Variants in CHRNA1 observed in about 807,000 individuals in gnomAD.
CHRNA1 encodes the protein acetylcholine receptor subunit alpha.
A neutral mutation model predicts 47.1 loss-of-function variants in CHRNA1; 35 were observed. The ratio of observed to expected loss-of-function variants is 0.74; its 90% confidence interval spans 0.57 to 0.99. The LOEUF (loss-of-function observed/expected upper bound fraction) is 0.99. Ranked by LOEUF, CHRNA1 falls within the 50% of genes least tolerant of loss-of-function variation. The probability of loss-of-function intolerance (pLI) is 0.00; values close to 1 mark genes in which losing one functional copy is unlikely to be tolerated. For missense variants in CHRNA1, 506 were observed against 591.1 expected, an observed-to-expected ratio of 0.86 and a Z score of 1.49; for synonymous variants, 229 against 223.6, an observed-to-expected ratio of 1.02 and a Z score of -0.22.
At chr2:174,754,528 C>T in intron 4 of CHRNA1, 114 bp from the exon 5 acceptor site, 2 of 910,138 alleles carry the variant, frequency 2.2e-6, no homozygotes, top group South Asian at 2.8e-5. Context: ...ATTATAGAAG[C>T]TCTGTTTCGG....
chr2:174,757,486 C>T (rs1253210008), intron 4 of CHRNA1, 80 bp downstream of exon 4: 24 of 989,232 alleles, frequency 2.4e-5, no homozygotes, highest in South Asian at 5.2e-5. Flanking sequence ...AGAAGCATTC[C>T]GAGCGCGCAG....
At chr2:174,755,855 G>A (rs778673971) in intron 4 of CHRNA1, among the ~76,000 whole-genome samples, 7 of 152,098 alleles carry the variant, frequency 4.6e-5, no homozygotes, top group Non-Finnish European at 8.8e-5. Flanking sequence ...GGCCAACAGC[G>A]AGACCTCATC....
At chr2:174,763,551 G>A (rs1684136544) in intron 1 of CHRNA1, among the ~76,000 whole-genome samples, 2 of 152,186 alleles carry the variant, frequency 1.3e-5, no homozygotes, top group East Asian at 1.9e-4. Flanking sequence ...TTGTTTCTCA[G>A]TTGGGATGAT....
chr2:174,757,738 C>G, intron 3 of CHRNA1, 63 bp from the exon 4 acceptor site: 2 of 1,415,598 alleles, frequency 1.4e-6, no homozygotes. Context: ...CTAAGGTTAT[C>G]AAGAGCCCTG....
At chr2:174,762,715 G>A (rs1171244288) in intron 1 of CHRNA1, among the ~76,000 whole-genome samples, 4 of 152,330 alleles carry the variant, frequency 2.6e-5, no homozygotes, top group Admixed American at 1.3e-4. Context: ...CAGAGATCAC[G>A]CTGTGTTAAG....
At chr2:174,762,729 A>C (rs536628291) in intron 1 of CHRNA1, among the ~76,000 whole-genome samples, 1 of 152,376 alleles carries the variant, frequency 6.6e-6, no homozygotes, top group Admixed American at 6.5e-5. Flanking sequence ...TGTTAAGCTA[A>C]CACAGGAAAA....
At position 174,748,617 on chromosome 2, in the gene CHRNA1, A is replaced by G. The variant is rs1279698641; in HGVS notation, c.1205T>C (p.Ile402Thr). The G allele has an allele frequency of 6.2e-7, 1 of 1,613,966 alleles. No homozygotes were observed. The highest frequency in any genetic ancestry group is 2.2e-5 in the East Asian group (1 of 44,876). The change falls in exon 8 of 9, where the codon ATC becomes ACC. Residue 402 changes from isoleucine (I) to threonine (T), a missense_variant. By Grantham distance (89) the Ile-to-Thr change is moderately conservative. Coordinates refer to ENST00000348749, the MANE Select transcript of CHRNA1 (RefSeq NM_000079.4). ...CTGGTCTGACTTCATGGTCTCTGCGATGTACTTGATGCCCTCGATGGCACT... is the reference window on the plus strand; with the variant it reads ...CTGGTCTGACTTCATGGTCTCTGCGGTGTACTTGATGCCCTCGATGGCACT... Reference protein sequence around the residue: ...VKSAIEGIKYIAETMKSDQES... With the variant: ...VKSAIEGIKYTAETMKSDQES...
intron 4 of CHRNA1, among the ~76,000 whole-genome samples, chr2:174,756,921 AG>A (rs1391471530): frequency 6.6e-6 from 1 of 152,186 alleles, no homozygotes; most frequent in Non-Finnish European, 1.5e-5. Context: ...TGACAAATGA[AG>A]GGCGTATGCT....
chr2:174,750,808 T>G (rs139811176), intron 6 of CHRNA1, among the ~76,000 whole-genome samples: 4 of 152,292 alleles, frequency 2.6e-5, no homozygotes, highest in African/African-American at 9.6e-5. Flanking sequence ...TTTCTGATTC[T>G]TGGTGGAACC....
At chr2:174,753,204 C>G (rs529843197) in intron 6 of CHRNA1, 1 of 601,814 alleles carries the variant, frequency 1.7e-6, no homozygotes, top group South Asian at 1.9e-5. Context: ...TCTGGGCACA[C>G]AGTTGGTATT....
At chr2:174,759,756 C>T in intron 1 of CHRNA1, 123 bp from the exon 2 acceptor site, 1 of 1,301,082 alleles carries the variant, frequency 7.7e-7, no homozygotes, top group South Asian at 1.3e-5. Context: ...GCACACAGGC[C>T]TCCTTGTTGA....
At chr2:174,750,965 A>G (rs763371614) in intron 6 of CHRNA1, among the ~76,000 whole-genome samples, 1 of 152,154 alleles carries the variant, frequency 6.6e-6, no homozygotes, top group Non-Finnish European at 1.5e-5. Context: ...AGAAGTACAC[A>G]TATCTTTCTG....
chr2:174,758,348 G>T (rs1410797395), intron 3 of CHRNA1, among the ~76,000 whole-genome samples: 1 of 152,196 alleles, frequency 6.6e-6, no homozygotes, highest in Non-Finnish European at 1.5e-5. Flanking sequence ...GGCAGAGGTT[G>T]CAGTGAGCCG....
At chr2:174,759,204 C>A (rs1032712553) in intron 3 of CHRNA1, 127 bp downstream of exon 3, 4 of 1,081,432 alleles carry the variant, frequency 3.7e-6, no homozygotes, top group Non-Finnish European at 5.6e-6. Context: ...ATGCTTTCAC[C>A]ATCTCAAAAT....
In CHRNA1 at chr2:174,753,421, A is replaced by G. The variant is rs370000238; in HGVS notation, c.778+82T>C. 2.5e-5 allele frequency: 33 copies of G among 1,325,108 alleles called. No homozygotes were observed. The African/African-American group carries it at 2.7e-4, about 11-fold the overall frequency. 82.1% of individuals were successfully genotyped at this position (1,325,108 alleles called of 1,614,324 possible). A position where few individuals can be genotyped will look rare whatever the true frequency, so the allele number is the denominator to read the frequency against. ...CGGGTCGATCTGCCTGTTTGTTAGC[A>G]CATGATTATTTCTGGCTTCCCCAAA... On this transcript the variant is annotated intron_variant, in intron 6 of 8. Transcript: ENST00000348749.
chr2:174,748,025 T>C lies in CHRNA1; in HGVS notation c.*99A>G. The C allele has an allele frequency of 1.4e-6, 2 of 1,453,126 alleles. No homozygotes were observed. The highest frequency in any genetic ancestry group is 2.3e-5 in the South Asian group (2 of 85,808). The allele number at this position is 1,453,126 out of a possible 1,614,324, so 90.0% of individuals were successfully genotyped here. A position where few individuals can be genotyped will look rare whatever the true frequency, so the allele number is the denominator to read the frequency against. ...ATAATAAGTATGGAATATAACACGT[T>C]TGATAAGTGCGAGTGGAGCAAGTAG... On this transcript the variant is annotated 3_prime_UTR_variant, in exon 9 of 9. Transcript: ENST00000348749.
At chr2:174,751,685 CT>C (rs112584100) in intron 6 of CHRNA1, among the ~76,000 whole-genome samples, 91 of 141,262 alleles carry the variant, frequency 6.4e-4, no homozygotes, top group Non-Finnish European at 5.9e-4. Flanking sequence ...TTTTTTTCTT[CT>C]TTTTTTTTTT....
Position 174,759,358 on chromosome 2 carries a change from G to A in CHRNA1, c.207C>T (p.Ile69=), listed in dbSNP as rs745766303. ...GTTTCAGACGCACATTGGTTGTCAC[G>A]ATCTGATTTACTTCATCCTGGAAAA... ...QLINVDEVNQ[I]VTTNVRLKQQ... is the part of the protein sequence containing the mutation. Residue 69 remains isoleucine, a synonymous_variant, in exon 3 of 9, where the codon ATC becomes ATT. Coordinates refer to ENST00000348749, the MANE Select transcript of CHRNA1 (RefSeq NM_000079.4). The A allele has an allele frequency of 1.4e-5, 23 of 1,612,792 alleles. No homozygotes were observed. The highest frequency in any genetic ancestry group is 6.8e-6 in the Non-Finnish European group (8 of 1,179,604).
intron 3 of CHRNA1, chr2:174,758,043 A>G: frequency 6.2e-7 from 1 of 1,614,040 alleles, no homozygotes; most frequent in Non-Finnish European, 8.5e-7. Flanking sequence ...AGAAAAGGAG[A>G]AAGACCTAGT....
Sources: gnomAD v4.1 joint callset for allele counts (sites outside exome capture counted in the v4.1 genomes callset) on GRCh38, gnomAD v4.1.1 for gene constraint, MANE v1.5 for transcripts, NCBI Gene and HGNC (gene_info 2026-07-23, HGNC 2026-07-21) for gene names.